The following ITPKB variants were observed in gnomAD, a reference collection of about 807,000 sequenced individuals.
The protein encoded by ITPKB is IP3 3-kinase B.
In ITPKB, 13 loss-of-function variants were observed where a neutral mutation model predicts 69.4. The observed-to-expected ratio is 0.19, with a 90% CI of 0.12 to 0.30. ITPKB has a LOEUF of 0.30. Among genes scored for constraint, ITPKB ranks in the 10% least tolerant of loss-of-function variants. The probability of loss-of-function intolerance (pLI) is 1.00; values close to 1 mark genes in which losing one functional copy is unlikely to be tolerated. For synonymous variants in ITPKB, 584 were observed against 513.7 expected, an observed-to-expected ratio of 1.14 and a Z score of -1.85; for missense variants, 1,240 against 1,250.5, an observed-to-expected ratio of 0.99 and a Z score of 0.13.
At chr1:226,710,380 G>A (rs1240179747) in intron 2 of ITPKB, among the ~76,000 whole-genome samples, 3 of 152,276 alleles carry the variant, frequency 2.0e-5, no homozygotes, top group East Asian at 3.9e-4. Context: ...AAAATGCAGC[G>A]CCCTTGTTCA....
chr1:226,694,109 T>C (rs576166746), intron 2 of ITPKB, among the ~76,000 whole-genome samples: 13 of 152,330 alleles, frequency 8.5e-5, no homozygotes, highest in African/African-American at 1.7e-4. Flanking sequence ...CAGGGAAAGA[T>C]AGAAATCACT....
At chr1:226,721,599 A>G (rs1657245585) in intron 2 of ITPKB, among the ~76,000 whole-genome samples, 1 of 150,348 alleles carries the variant, frequency 6.7e-6, no homozygotes, top group East Asian at 2.0e-4. Context: ...AGGTTCAAGC[A>G]ATTCTCCTGC....
rs1316601785 is a variant in ITPKB at position 226,738,386 on chromosome 1, C to T, written c.-206+655G>A. On this transcript the variant is annotated intron_variant, in intron 1 of 7. Coordinates refer to ENST00000429204, the MANE Select transcript of ITPKB (RefSeq NM_002221.4). The surrounding 1 kb of genome is among the most constrained non-coding windows in gnomAD (Gnocchi z 4.2). ...AAGTGTTTTGTGAGTGTGGGCGCACCGAGGTTCTACACGTTCTCTTTACCG... is the reference window on the plus strand; with the variant it reads ...AAGTGTTTTGTGAGTGTGGGCGCACTGAGGTTCTACACGTTCTCTTTACCG... Among the ~76,000 whole-genome samples the T allele has an allele frequency of 6.6e-6, 1 of 152,180 alleles. No homozygotes were observed. Among genetic ancestry groups the T allele is most frequent in the African/African-American group, 2.4e-5 (1 of 41,456 alleles).
Position 226,637,625 on chromosome 1 carries a change from G to A in ITPKB, c.2625+54C>T, listed in dbSNP as rs1668865159. The stretch of plus-strand genomic sequence containing the variant: ...CGGGCTTCTGGAAGGAGAAGGAGAA[G>A]GCCTGTTGGCACGCGCAGCATTCTG... On this transcript the variant is annotated intron_variant, in intron 7 of 7. Transcript: ENST00000429204. This position sits in a 1 kb window ranked among gnomAD's most constrained non-coding sequence, Gnocchi z 4.3. 1.4e-6 allele frequency: 2 copies of A among 1,386,622 alleles called. No individual in the cohort carries two copies. Among genetic ancestry groups the A allele is most frequent in the South Asian group, 2.3e-5 (2 of 85,146 alleles). The allele number at this position is 1,386,622 out of a possible 1,614,324, so 85.9% of individuals were successfully genotyped here.
At chr1:226,662,059 C>A (rs183008610) in intron 2 of ITPKB, among the ~76,000 whole-genome samples, 1 of 152,134 alleles carries the variant, frequency 6.6e-6, no homozygotes, top group Non-Finnish European at 1.5e-5. Context: ...AGTGCACGGA[C>A]GATGAGGCAG....
intron 2 of ITPKB, among the ~76,000 whole-genome samples, chr1:226,673,504 T>G (rs1423024807): frequency 2.0e-5 from 3 of 152,186 alleles, no homozygotes; most frequent in Non-Finnish European, 1.5e-5. Context: ...TCACGGCAAC[T>G]AGGTGGTGGT....
chr1:226,676,295 T>G (rs1038886722), intron 2 of ITPKB: 6 of 152,158 alleles, frequency 3.9e-5, no homozygotes, highest in Non-Finnish European at 5.9e-5. Context: ...CAAATTCTAA[T>G]GAAGAAAAGC....
intron 2 of ITPKB, among the ~76,000 whole-genome samples, chr1:226,726,238 T>A (rs1657406371): frequency 6.6e-6 from 1 of 152,220 alleles, no homozygotes; most frequent in Non-Finnish European, 1.5e-5. Flanking sequence ...CGTTCACTTG[T>A]TAAGCACAAA....
At chr1:226,647,103 G>C (rs1480501738) in intron 4 of ITPKB, 64 bp downstream of exon 4, 3 of 1,486,340 alleles carry the variant, frequency 2.0e-6, no homozygotes, top group Admixed American at 3.4e-5. Context: ...TGAGTGCCAC[G>C]CTGTGCACCT....
intron 2 of ITPKB, among the ~76,000 whole-genome samples, chr1:226,702,766 T>C (rs984939718): frequency 3.3e-5 from 5 of 152,202 alleles, no homozygotes; most frequent in Admixed American, 2.6e-4. Flanking sequence ...TGGGGCAGTG[T>C]GCTAAACCAG....
At chr1:226,666,778 C>T (rs570670565) in intron 2 of ITPKB, among the ~76,000 whole-genome samples, 2 of 152,324 alleles carry the variant, frequency 1.3e-5, no homozygotes, top group African/African-American at 4.8e-5. Flanking sequence ...TCTAAAACAT[C>T]AATCTGATCA....
At position 226,730,276 on chromosome 1, in the gene ITPKB, G is replaced by C. The variant is rs75300450; in HGVS notation, c.1932+5251C>G. On this transcript the variant is annotated intron_variant, in intron 2 of 7. Coordinates refer to ENST00000429204, the MANE Select transcript of ITPKB (RefSeq NM_002221.4). ...CTGCCTGTAGCACCATCGTCACTTG[G>C]TTTGGTAAGTTAACACAGGAAGGGC... Among the ~76,000 whole-genome samples the C allele has an allele frequency of 3.2e-3, 481 of 152,278 alleles. 1 individual carries two copies. The highest frequency in any genetic ancestry group is 0.011 in the African/African-American group (464 of 41,540).
intron 2 of ITPKB, among the ~76,000 whole-genome samples, chr1:226,723,545 GTGT>G (rs1039631987): frequency 1.3e-5 from 2 of 152,028 alleles, no homozygotes; most frequent in African/African-American, 4.8e-5. Flanking sequence ...ATACAGAGTA[GTGT>G]TGTTCTACAC....
At chr1:226,638,767 G>A (rs756493676) in intron 6 of ITPKB, among the ~76,000 whole-genome samples, 6 of 151,994 alleles carry the variant, frequency 3.9e-5, no homozygotes, top group Non-Finnish European at 8.8e-5. Flanking sequence ...ACACAAGATG[G>A]GGACAAGCAG....
chr1:226,653,366 A>G (rs1426721761), intron 2 of ITPKB, among the ~76,000 whole-genome samples: 1 of 152,190 alleles, frequency 6.6e-6, no homozygotes, highest in Non-Finnish European at 1.5e-5. Flanking sequence ...ACTGGGCAGG[A>G]AGGACAAGAG....
chr1:226,727,368 G>C (rs886628347), intron 2 of ITPKB, among the ~76,000 whole-genome samples: 1 of 152,140 alleles, frequency 6.6e-6, no homozygotes, highest in Middle Eastern at 3.2e-3. Context: ...AAAAACACTT[G>C]CTGGGAACTG....
In ITPKB at chr1:226,728,829, A is replaced by C. The variant is rs551792616; in HGVS notation, c.1932+6698T>G. 2.6e-5 allele frequency among the ~76,000 whole-genome samples: 4 copies of C among 152,182 alleles called. No homozygotes were observed. The South Asian group carries it at 8.3e-4, about 32-fold the overall frequency. ...CATGTGTAGACTGGAATTTCACCCA[A>C]GTCTCCTAAACCCAAGCCTAGCACC... is the stretch of plus-strand genomic sequence containing the variant. On this transcript the variant is annotated intron_variant, in intron 2 of 7. Transcript: ENST00000429204.
In ITPKB at chr1:226,737,634, C is replaced by G; in HGVS notation, c.-176G>C. On this transcript the variant is annotated 5_prime_UTR_variant, in exon 2 of 8. Transcript: ENST00000429204. The stretch of plus-strand genomic sequence containing the variant: ...GGGGGCACGACCGCGGGCTCAGCCC[C>G]CGCCCAAAGCTCCATAAACAACCGT... 9.0e-7 allele frequency: 1 copy of G among 1,112,746 alleles called. No individual in the cohort carries two copies. 68.9% of individuals were successfully genotyped at this position (1,112,746 alleles called of 1,614,324 possible). A position where few individuals can be genotyped will look rare whatever the true frequency, so the allele number is the denominator to read the frequency against.
chr1:226,733,395 T>G (rs571535773), intron 2 of ITPKB, among the ~76,000 whole-genome samples: 2 of 152,278 alleles, frequency 1.3e-5, no homozygotes, highest in South Asian at 4.1e-4. Context: ...AAATATCTAT[T>G]GCAGGTAATC....
Sources: gnomAD v4.1 joint callset for allele counts (sites outside exome capture counted in the v4.1 genomes callset) on GRCh38, gnomAD v4.1.1 for gene constraint, Gnocchi (gnomAD v3.1) non-coding constraint, MANE v1.5 for transcripts, NCBI Gene and HGNC (gene_info 2026-07-23, HGNC 2026-07-21) for gene names.